The following TPTE variants were observed in gnomAD, a reference collection of about 807,000 sequenced individuals.
The protein encoded by TPTE is transmembrane phosphatase with tensin homology.
In TPTE, 59 loss-of-function variants were observed where a neutral mutation model predicts 84.1. The ratio of observed to expected loss-of-function variants is 0.70; its 90% CI spans 0.57 to 0.87. TPTE has a LOEUF of 0.87. TPTE is among the 40% of genes least tolerant of loss of function. The probability of loss-of-function intolerance (pLI) is 0.00; values close to 1 mark genes in which losing one functional copy is unlikely to be tolerated. For missense variants in TPTE, 382 were observed against 659.6 expected, an observed-to-expected ratio of 0.58 and a Z score of 4.61; for synonymous variants, 130 against 223.5, an observed-to-expected ratio of 0.58 and a Z score of 3.73.
chr21:10,582,569 A>T (rs577886144), intron 17 of TPTE, among the ~76,000 whole-genome samples: 1 of 152,428 alleles, frequency 6.6e-6, no homozygotes, highest in Admixed American at 6.5e-5. Flanking sequence ...TGAGTTGTAC[A>T]TGTGACTCAT....
intron 17 of TPTE, among the ~76,000 whole-genome samples, chr21:10,586,763 T>G (rs543553112): frequency 7.9e-5 from 12 of 152,412 alleles, no homozygotes; most frequent in Admixed American, 2.0e-4. Context: ...ATGTTGAGCC[T>G]GCATCTAGAA....
chr21:10,562,069 A>G (rs2074816988), intron 10 of TPTE, among the ~76,000 whole-genome samples: 1 of 152,300 alleles, frequency 6.6e-6, no homozygotes, highest in Admixed American at 6.5e-5. Context: ...GGGAGAAAGT[A>G]AGGGAAGAAA....
At chr21:10,526,243 C>T (rs531640573) in intron 2 of TPTE, among the ~76,000 whole-genome samples, 137 of 152,362 alleles carry the variant, frequency 9.0e-4, no homozygotes, top group Non-Finnish European at 1.6e-3. Context: ...AGGTTCCCCT[C>T]ATGGCCCTCA....
At chr21:10,526,152 A>G (rs1313146484) in intron 2 of TPTE, among the ~76,000 whole-genome samples, 1 of 152,306 alleles carries the variant, frequency 6.6e-6, no homozygotes, top group Non-Finnish European at 1.5e-5. Context: ...TCTTTTTGTA[A>G]AAGGTTATTG....
chr21:10,531,599 T>C (rs2074179790), intron 3 of TPTE, among the ~76,000 whole-genome samples: 1 of 152,310 alleles, frequency 6.6e-6, no homozygotes, highest in Admixed American at 6.5e-5. Flanking sequence ...GACTATCGCT[T>C]TATGTATTCA....
At chr21:10,573,789 C>T (rs1202583981) in intron 14 of TPTE, among the ~76,000 whole-genome samples, 3 of 152,310 alleles carry the variant, frequency 2.0e-5, no homozygotes, top group Non-Finnish European at 4.4e-5. Flanking sequence ...GCTGAATGGC[C>T]CCATGTGGTC....
intron 21 of TPTE, among the ~76,000 whole-genome samples, chr21:10,599,708 A>G (rs1349248740): frequency 8.6e-4 from 130 of 151,932 alleles, no homozygotes; most frequent in African/African-American, 3.1e-3. Context: ...AACGTGTAAT[A>G]CCTGAGCTTT....
At chr21:10,536,939 C>A (rs364258) in intron 3 of TPTE, among the ~76,000 whole-genome samples, 30,677 of 142,704 alleles carry the variant, frequency 0.21, 65 homozygotes, top group African/African-American at 0.47. Flanking sequence ...TTAGGGAAAA[C>A]AAACAGAGCT....
At chr21:10,558,120 A>G (rs1429899275) in intron 8 of TPTE, among the ~76,000 whole-genome samples, 1 of 152,294 alleles carries the variant, frequency 6.6e-6, no homozygotes, top group Non-Finnish European at 1.5e-5. Context: ...ATTCCATGGT[A>G]TATATGTACC....
At position 10,605,700 on chromosome 21, in the gene TPTE, C is replaced by CAT. The variant is rs1231803424; in HGVS notation, c.*156_*157dup. Reference sequence around the variant, plus strand: ...ATATATGTTCTTCATAAATCTATTACATATATATAGATAAAATGTCAGTGT... The same window carrying CAT: ...ATATATGTTCTTCATAAATCTATTACATATATATATAGATAAAATGTCAGTGT... On this transcript the variant is annotated 3_prime_UTR_variant, in exon 24 of 24. Transcript: ENST00000618007. The CAT allele has an allele frequency of 1.5e-6, 2 of 1,345,574 alleles. No individual in the cohort carries two copies. The highest frequency in any genetic ancestry group is 1.7e-5 in the South Asian group (1 of 60,560). The allele number at this position is 1,345,574 out of a possible 1,614,324, so 83.4% of individuals were successfully genotyped here. A position where few individuals can be genotyped will look rare whatever the true frequency, so the allele number is the denominator to read the frequency against.
intron 17 of TPTE, among the ~76,000 whole-genome samples, chr21:10,587,111 A>G (rs1600959830): frequency 6.6e-6 from 1 of 152,312 alleles, no homozygotes; most frequent in South Asian, 2.1e-4. Context: ...ATCAATGAAT[A>G]TGATAAATTG....
intron 2 of TPTE, among the ~76,000 whole-genome samples, chr21:10,527,098 AT>A (rs1192510067): frequency 6.6e-6 from 1 of 152,292 alleles, no homozygotes; most frequent in African/African-American, 2.4e-5. Context: ...AGAAACATTC[AT>A]TATTCTTACA....
At chr21:10,548,662 C>G (rs2074517090) in intron 7 of TPTE, among the ~76,000 whole-genome samples, 1 of 152,302 alleles carries the variant, frequency 6.6e-6, no homozygotes, top group Non-Finnish European at 1.5e-5. Context: ...CTTGGCCAGC[C>G]CTGGCAAAGA....
At chr21:10,560,646 G>T (rs539513061) in intron 9 of TPTE, among the ~76,000 whole-genome samples, 67 of 152,410 alleles carry the variant, frequency 4.4e-4, no homozygotes, top group African/African-American at 1.5e-3. Flanking sequence ...GAATTATCCA[G>T]ATTAATGAGG....
chr21:10,575,489 A>G (rs1209883347), intron 14 of TPTE, among the ~76,000 whole-genome samples: 1 of 152,310 alleles, frequency 6.6e-6, no homozygotes, highest in East Asian at 1.9e-4. Context: ...CCCACAGTGC[A>G]GCACACCTGC....
chr21:10,602,494 T>C (rs1233830834), intron 22 of TPTE, among the ~76,000 whole-genome samples: 2 of 152,310 alleles, frequency 1.3e-5, no homozygotes, highest in Non-Finnish European at 2.9e-5. Flanking sequence ...TTGCATCTTT[T>C]TTAAAAAATT....
intron 10 of TPTE, among the ~76,000 whole-genome samples, chr21:10,566,463 T>C (rs1246821441): frequency 6.6e-6 from 1 of 152,302 alleles, no homozygotes; most frequent in Non-Finnish European, 1.5e-5. Flanking sequence ...CTCAAAAAAC[T>C]AAAAATAGAA....
At chr21:10,541,802 TGAG>T (rs2074374618) in intron 5 of TPTE, among the ~76,000 whole-genome samples, 1 of 152,284 alleles carries the variant, frequency 6.6e-6, no homozygotes, top group Non-Finnish European at 1.5e-5. Context: ...CTGTTTGGAG[TGAG>T]GAGGAGGTAG....
At chr21:10,547,051 G>A (rs1331097620) in intron 7 of TPTE, among the ~76,000 whole-genome samples, 1 of 152,300 alleles carries the variant, frequency 6.6e-6, no homozygotes, top group East Asian at 1.9e-4. Context: ...GTCAACGCAT[G>A]GTTTCAAATC....
Sources: allele counts gnomAD v4.1 joint callset (sites outside exome capture counted in the v4.1 genomes callset), GRCh38; gene constraint gnomAD v4.1.1; transcripts MANE v1.5; gene names NCBI Gene and HGNC (gene_info 2026-07-23, HGNC 2026-07-21).